Variants in NELL1 observed in about 807,000 individuals in gnomAD.
NELL1 encodes protein kinase C-binding protein NELL1.
NELL1 carries 76 observed loss-of-function variants against 107.4 expected under a neutral mutation model. The ratio of observed to expected loss-of-function variants is 0.71; its 90% CI spans 0.59 to 0.86. The LOEUF (loss-of-function observed/expected upper bound fraction) is 0.86, where lower values mean the gene tolerates loss of function less well. Ranked by LOEUF, NELL1 falls within the 40% of genes least tolerant of loss-of-function variation. The probability of loss-of-function intolerance (pLI) is 0.00; values close to 1 mark genes in which losing one functional copy is unlikely to be tolerated. For synonymous variants in NELL1, 353 were observed against 341.2 expected (o/e 1.03, Z -0.38); for missense variants, 1,024 against 1,005.5 (o/e 1.02, Z -0.25).
chr11:21,318,750 T>C (rs1444398262), intron 14 of NELL1, among the ~76,000 whole-genome samples: 1 of 152,052 alleles, frequency 6.6e-6, no homozygotes, highest in Non-Finnish European at 1.5e-5. Context: ...GATGGGTTAA[T>C]TTTCCTAATA....
chr11:21,460,057 G>GAGAT (rs1162249800), intron 15 of NELL1, among the ~76,000 whole-genome samples: 1 of 152,238 alleles, frequency 6.6e-6, no homozygotes, highest in Middle Eastern at 3.4e-3. Flanking sequence ...GCCAGAGCAG[G>GAGAT]AGATAGAGGG....
intron 12 of NELL1, among the ~76,000 whole-genome samples, chr11:21,041,526 G>A (rs570195918): frequency 1.3e-5 from 2 of 152,196 alleles, no homozygotes; most frequent in South Asian, 4.1e-4. Flanking sequence ...AACCACTCTG[G>A]AGAAAATGTG....
At chr11:21,422,092 CATATGTGTGTGTGT>C (rs1368018880) in intron 15 of NELL1, among the ~76,000 whole-genome samples, 6 of 49,978 alleles carry the variant, frequency 1.2e-4, no homozygotes, top group African/African-American at 2.4e-4. Flanking sequence ...GACATTTACA[CATATGTGTGTGTGT>C]GTGTGTGTGT....
At chr11:21,410,443 G>T (rs1457155334) in intron 15 of NELL1, among the ~76,000 whole-genome samples, 2 of 151,986 alleles carry the variant, frequency 1.3e-5, no homozygotes, top group East Asian at 3.9e-4. Flanking sequence ...AAGAGAAAAA[G>T]ATGGAGAGGA....
At chr11:21,527,558 T>C (rs1164183861) in intron 15 of NELL1, among the ~76,000 whole-genome samples, 2 of 152,184 alleles carry the variant, frequency 1.3e-5, no homozygotes, top group African/African-American at 4.8e-5. Context: ...TAGATGAATA[T>C]ATGAATGGGA....
intron 15 of NELL1, among the ~76,000 whole-genome samples, chr11:21,512,578 T>C (rs1855464153): frequency 6.6e-6 from 1 of 152,138 alleles, no homozygotes; most frequent in South Asian, 2.1e-4. Context: ...TTCAACTTTG[T>C]GCCCCTAGTA....
At chr11:20,947,740 TGTTA>T (rs1564980962) in intron 11 of NELL1, among the ~76,000 whole-genome samples, 1 of 152,190 alleles carries the variant, frequency 6.6e-6, no homozygotes, top group East Asian at 1.9e-4. Context: ...ATAATGCTAA[TGTTA>T]GTTCTTATAA....
chr11:21,117,232 T>A (rs546556560), intron 13 of NELL1, among the ~76,000 whole-genome samples: 1 of 152,188 alleles, frequency 6.6e-6, no homozygotes, highest in Admixed American at 6.6e-5. Context: ...TGTTGTTTTC[T>A]GTCATACCAC....
chr11:20,998,145 TAAG>T (rs992001758), intron 12 of NELL1, among the ~76,000 whole-genome samples: 1 of 152,212 alleles, frequency 6.6e-6, no homozygotes, highest in Admixed American at 6.5e-5. Flanking sequence ...TTAAAAATTA[TAAG>T]AATATTAAGA....
intron 3 of NELL1, among the ~76,000 whole-genome samples, chr11:20,830,026 C>A (rs757464399): frequency 6.6e-6 from 1 of 152,096 alleles, no homozygotes; most frequent in African/African-American, 2.4e-5. Flanking sequence ...GTAATCCCCC[C>A]ACCTTGGGAG....
At chr11:21,362,177 A>G (rs1176741098) in intron 14 of NELL1, among the ~76,000 whole-genome samples, 1 of 152,210 alleles carries the variant, frequency 6.6e-6, no homozygotes, top group Non-Finnish European at 1.5e-5. Context: ...CTCTTGTGCC[A>G]GAGGATGATC....
chr11:21,233,161 C>T (rs943683578), intron 14 of NELL1, among the ~76,000 whole-genome samples: 2 of 152,136 alleles, frequency 1.3e-5, no homozygotes, highest in African/African-American at 4.8e-5. Context: ...TGTAAGGCGT[C>T]TTTTCTTCTT....
At chr11:20,795,278 A>G (rs1245888914) in intron 3 of NELL1, among the ~76,000 whole-genome samples, 1 of 152,250 alleles carries the variant, frequency 6.6e-6, no homozygotes, top group African/African-American at 2.4e-5. Flanking sequence ...AGATAAAACG[A>G]AACAGAAAAC....
chr11:20,813,515 C>T (rs11601634), intron 3 of NELL1, among the ~76,000 whole-genome samples: 33,800 of 151,996 alleles, frequency 0.22, 4,173 homozygotes, highest in African/African-American at 0.31. Context: ...AGTTCTGCTC[C>T]GATTTGATTC....
At chr11:20,898,096 T>C (rs1227329481) in intron 5 of NELL1, among the ~76,000 whole-genome samples, 1 of 152,174 alleles carries the variant, frequency 6.6e-6, no homozygotes, top group African/African-American at 2.4e-5. Context: ...TTATAAATCA[T>C]GCTATTATAA....
intron 2 of NELL1, among the ~76,000 whole-genome samples, chr11:20,726,170 A>T (rs73446552): frequency 1.2e-3 from 178 of 152,292 alleles, no homozygotes; most frequent in African/African-American, 4.2e-3. Context: ...GGTTTAGTCC[A>T]TGTCTTTGCC....
chr11:21,447,472 G>T (rs1853462139), intron 15 of NELL1, among the ~76,000 whole-genome samples: 1 of 152,144 alleles, frequency 6.6e-6, no homozygotes, highest in African/African-American at 2.4e-5. Context: ...AGGGCCATGG[G>T]CTCTTAAATC....
chr11:21,156,553 A>G (rs1856239760), intron 13 of NELL1, among the ~76,000 whole-genome samples: 1 of 151,988 alleles, frequency 6.6e-6, no homozygotes, highest in Admixed American at 6.6e-5. Context: ...AAGGGGAGAA[A>G]ATTGTAGTCA....
At chr11:21,170,398 A>T (rs143440863) in intron 13 of NELL1, among the ~76,000 whole-genome samples, 1 of 151,902 alleles carries the variant, frequency 6.6e-6, no homozygotes, top group East Asian at 1.9e-4. Flanking sequence ...GGACACACAC[A>T]TCTTGAAGAC....
Sources: gnomAD v4.1 joint callset for allele counts (sites outside exome capture counted in the v4.1 genomes callset) on GRCh38, gnomAD v4.1.1 for gene constraint, MANE v1.5 for transcripts, NCBI Gene and HGNC (gene_info 2026-07-23, HGNC 2026-07-21) for gene names.